The following TRHDE variants were observed in gnomAD, a reference collection of about 807,000 sequenced individuals.
TRHDE encodes the protein thyrotropin releasing hormone degrading enzyme, also known as thyrotropin-releasing hormone-degrading ectoenzyme.
A neutral mutation model predicts 125.7 loss-of-function variants in TRHDE; 72 were observed. That is an observed-to-expected ratio of 0.57 (90% confidence interval 0.47 to 0.70). The LOEUF (loss-of-function observed/expected upper bound fraction) is 0.70, where lower values mean the gene tolerates loss of function less well. TRHDE is among the 30% of genes least tolerant of loss of function. The pLI, the probability that TRHDE is intolerant of heterozygous loss-of-function variation, is 0.00. For synonymous variants in TRHDE, 509 were observed against 509.1 expected, an observed-to-expected ratio of 1.00 and a Z score of 0.00; for missense variants, 1,110 against 1,327.1, an observed-to-expected ratio of 0.84 and a Z score of 2.54.
intron 7 of TRHDE, among the ~76,000 whole-genome samples, chr12:72,554,067 C>T (rs773137688): frequency 1.3e-5 from 2 of 151,826 alleles, no homozygotes; most frequent in African/African-American, 4.8e-5. Flanking sequence ...AGGCTGGTCT[C>T]GAACTCCTGA....
At chr12:72,594,339 C>T (rs559415984) in intron 12 of TRHDE, among the ~76,000 whole-genome samples, 1 of 151,840 alleles carries the variant, frequency 6.6e-6, no homozygotes, top group East Asian at 2.0e-4. Flanking sequence ...CATATCTAGA[C>T]CAGCCTGACC....
intron 2 of TRHDE, among the ~76,000 whole-genome samples, chr12:72,252,001 C>T (rs1832127331): frequency 6.6e-6 from 1 of 152,062 alleles, no homozygotes; most frequent in South Asian, 2.1e-4. Context: ...TTTGTTTTTA[C>T]AACTGAGTAT....
At chr12:72,506,126 C>CT (rs1156571618) in intron 6 of TRHDE, among the ~76,000 whole-genome samples, 1 of 152,172 alleles carries the variant, frequency 6.6e-6, no homozygotes. Flanking sequence ...TAGTGAGACT[C>CT]TGTCTCTACA....
At chr12:72,490,938 T>G (rs969872474) in intron 5 of TRHDE, among the ~76,000 whole-genome samples, 1 of 150,154 alleles carries the variant, frequency 6.7e-6, no homozygotes, top group Admixed American at 6.6e-5. Context: ...AAAATTGTAC[T>G]GTGTCTGTGA....
intron 1 of TRHDE, among the ~76,000 whole-genome samples, chr12:72,090,157 T>C (rs1242731625): frequency 6.6e-6 from 1 of 152,174 alleles, no homozygotes; most frequent in Non-Finnish European, 1.5e-5. Flanking sequence ...GCTATTGTTT[T>C]CTCTGTAAAA....
intron 6 of TRHDE, among the ~76,000 whole-genome samples, chr12:72,507,837 G>A (rs1407805634): frequency 6.6e-6 from 1 of 152,236 alleles, no homozygotes; most frequent in Non-Finnish European, 1.5e-5. Context: ...AGGGAAGCAT[G>A]GTTTCATGGG....
In TRHDE at chr12:72,469,745, A is replaced by G; in HGVS notation, c.1316-13A>G. On this transcript the variant is annotated splice_polypyrimidine_tract_variant and intron_variant, in intron 3 of 18. Coordinates refer to ENST00000261180, the MANE Select transcript of TRHDE (RefSeq NM_013381.3). ...TTGTTAAAGCCTTTGGAACTGTTTT[A>G]TTTTATTTCTAGATCTTTTAGCTGT... The G allele has an allele frequency of 1.2e-6, 2 of 1,612,750 alleles. No homozygotes were observed. The highest frequency in any genetic ancestry group is 2.2e-5 in the South Asian group (2 of 90,778).
At chr12:72,322,574 G>C (rs1312037899) in intron 2 of TRHDE, among the ~76,000 whole-genome samples, 1 of 149,234 alleles carries the variant, frequency 6.7e-6, no homozygotes, top group East Asian at 2.0e-4. Flanking sequence ...GCGACCAGAA[G>C]CTCACAGTAA....
At chr12:72,177,536 T>A (rs1033949340) in intron 2 of TRHDE, among the ~76,000 whole-genome samples, 2 of 152,130 alleles carry the variant, frequency 1.3e-5, no homozygotes, top group African/African-American at 2.4e-5. Flanking sequence ...GTAAAATTTC[T>A]GTAAATGTTA....
At chr12:72,547,594 A>G (rs1869481602) in intron 7 of TRHDE, among the ~76,000 whole-genome samples, 1 of 151,794 alleles carries the variant, frequency 6.6e-6, no homozygotes, top group Non-Finnish European at 1.5e-5. Flanking sequence ...TAGGATCCTC[A>G]TTCCTACCTC....
chr12:72,611,437 G>C (rs1872628939), intron 12 of TRHDE: 1 of 152,128 alleles, frequency 6.6e-6, no homozygotes, highest in South Asian at 2.1e-4. Context: ...TACCATTAAA[G>C]AGAAGCACCA....
chr12:72,576,493 C>T (rs1871001287), intron 12 of TRHDE, among the ~76,000 whole-genome samples: 1 of 151,936 alleles, frequency 6.6e-6, no homozygotes, highest in South Asian at 2.1e-4. Context: ...TCTAATCCAT[C>T]AAAATAATAA....
Position 72,585,135 on chromosome 12 carries a change from C to T in TRHDE, c.2321+9593C>T, listed in dbSNP as rs888231181. Among the ~76,000 whole-genome samples the T allele has an allele frequency of 3.3e-5, 5 of 152,140 alleles. No individual in the cohort carries two copies. The East Asian group carries it at 9.6e-4, about 29-fold the overall frequency. ...TTGAAATTGCTTAGCTAGTATGGGA[C>T]TATAGCCTCTACAAGTCATTTTATG... On this transcript the variant is annotated intron_variant, in intron 12 of 18. Coordinates refer to ENST00000261180, the MANE Select transcript of TRHDE (RefSeq NM_013381.3).
intron 6 of TRHDE, among the ~76,000 whole-genome samples, chr12:72,509,442 C>T (rs932065168): frequency 6.6e-6 from 1 of 152,152 alleles, no homozygotes; most frequent in Non-Finnish European, 1.5e-5. Context: ...CATGGTGCTA[C>T]TGTTCTACCA....
At chr12:72,601,390 A>G (rs1230775411) in intron 12 of TRHDE, among the ~76,000 whole-genome samples, 3 of 152,146 alleles carry the variant, frequency 2.0e-5, no homozygotes, top group African/African-American at 7.2e-5. Context: ...ACTACTGGTG[A>G]AGATACTGTG....
chr12:72,342,699 T>C (rs561548581), intron 2 of TRHDE, among the ~76,000 whole-genome samples: 5 of 152,238 alleles, frequency 3.3e-5, no homozygotes, highest in South Asian at 4.1e-4. Flanking sequence ...TAGAGGAAGA[T>C]GAAGTTGTAC....
intron 2 of TRHDE, among the ~76,000 whole-genome samples, chr12:72,226,824 T>G (rs994242234): frequency 1.3e-5 from 2 of 152,172 alleles, no homozygotes; most frequent in African/African-American, 4.8e-5. Flanking sequence ...AAACTACAGA[T>G]TTTTGTTACG....
At chr12:72,097,462 TTTTTTAGACAGAG>T (rs1874957763) in intron 1 of TRHDE, among the ~76,000 whole-genome samples, 1 of 126,892 alleles carries the variant, frequency 7.9e-6, no homozygotes, top group Non-Finnish European at 1.7e-5. Context: ...TTTTTTTTTT[TTTTTTAGACAGAG>T]TTTTGCTCTG....
At chr12:72,463,091 T>C (rs937190138) in intron 3 of TRHDE, among the ~76,000 whole-genome samples, 2 of 152,224 alleles carry the variant, frequency 1.3e-5, no homozygotes, top group African/African-American at 2.4e-5. Flanking sequence ...AGCAAAAATA[T>C]CTTACATTCA....
Sources: allele counts gnomAD v4.1 joint callset (sites outside exome capture counted in the v4.1 genomes callset), GRCh38; gene constraint gnomAD v4.1.1; transcripts MANE v1.5; gene names NCBI Gene and HGNC (gene_info 2026-07-23, HGNC 2026-07-21).